The following ELP2 variants were observed in gnomAD, a reference collection of about 807,000 sequenced individuals.
ELP2 encodes elongator complex protein 2.
Under a neutral mutation model 119.2 loss-of-function variants are expected in ELP2, and 90 were observed. The ratio of observed to expected loss-of-function variants is 0.75; its 90% CI spans 0.64 to 0.90. The LOEUF (loss-of-function observed/expected upper bound fraction) is 0.90, where lower values mean the gene tolerates loss of function less well. Ranked by LOEUF, ELP2 falls within the 40% of genes least tolerant of loss-of-function variation. ELP2 has a pLI of 0.00. For missense variants in ELP2, 921 were observed against 967.8 expected (o/e 0.95, Z 0.64); for synonymous variants, 339 against 331.0 (o/e 1.02, Z -0.26).
intron 2 of ELP2, among the ~76,000 whole-genome samples, chr18:36,135,182 G>GT (rs1164963889): frequency 6.6e-6 from 1 of 152,112 alleles, no homozygotes; most frequent in Non-Finnish European, 1.5e-5. Flanking sequence ...TTTATCTTCC[G>GT]TTTAAAAGTG....
At chr18:36,135,476 A>G (rs1370076269) in intron 2 of ELP2, among the ~76,000 whole-genome samples, 1 of 152,192 alleles carries the variant, frequency 6.6e-6, no homozygotes, top group Non-Finnish European at 1.5e-5. Context: ...TTAGGACATG[A>G]ACCTGGGCCT....
chr18:36,153,741 GT>G (rs2090474985), intron 11 of ELP2, among the ~76,000 whole-genome samples: 1 of 151,896 alleles, frequency 6.6e-6, no homozygotes, highest in Admixed American at 6.6e-5. Context: ...ACATTTATTG[GT>G]TTATGGTATT....
At position 36,175,634 on chromosome 18, in the gene ELP2, AAAG is replaced by A. The variant is rs906498528; in HGVS notation, c.*999_*1001del. 1.4e-3 allele frequency: 206 copies of A among 152,372 alleles called. 2 individuals are homozygous for A. The highest frequency in any genetic ancestry group is 4.7e-3 in the African/African-American group (196 of 41,558). 9.4% of individuals were successfully genotyped at this position (152,372 alleles called of 1,614,324 possible). ...TATATGTCCCCCAGGGAGGATGCAG[AAAG>A]AAGAAAAGGGTACTGGAAACAGCAT... On this transcript the variant is annotated 3_prime_UTR_variant, in exon 22 of 22. Transcript: ENST00000358232.
At chr18:36,169,377 G>A (rs2091007503) in intron 19 of ELP2, among the ~76,000 whole-genome samples, 1 of 138,924 alleles carries the variant, frequency 7.2e-6, no homozygotes, top group Middle Eastern at 3.4e-3. Flanking sequence ...GAGCTAGAAA[G>A]CTGATAAGTT....
In ELP2 at chr18:36,177,760, A is replaced by G. The variant is rs2091258825; in HGVS notation, c.*3119A>G. 1.3e-5 allele frequency: 2 copies of G among 152,188 alleles called. No homozygotes were observed. Among genetic ancestry groups the G allele is most frequent in the South Asian group, 4.1e-4 (2 of 4,828 alleles). The allele number at this position is 152,188 out of a possible 1,614,324, so 9.4% of individuals were successfully genotyped here. A position where few individuals can be genotyped will look rare whatever the true frequency, so the allele number is the denominator to read the frequency against. On this transcript the variant is annotated 3_prime_UTR_variant, in exon 22 of 22. Transcript: ENST00000358232. ...TAAGATATATTTGGGAAACACAGGG[A>G]TAACTAAGGTTAGATAGGTGTTCTT...
rs2091226945 is a variant in ELP2, at chr18:36,176,583, C to G, written c.*1942C>G. On this transcript the variant is annotated 3_prime_UTR_variant, in exon 22 of 22. Transcript: ENST00000358232. Reference sequence around the variant, plus strand: ...CCAAATTGTCCTCAAGCATCTTCCTCTGGAATCACCTTACTGTTTAGTAAA... The same window carrying G: ...CCAAATTGTCCTCAAGCATCTTCCTGTGGAATCACCTTACTGTTTAGTAAA... 1 of 152,228 alleles carries G rather than the reference C, an allele frequency of 6.6e-6. No individual in the cohort carries two copies. The highest frequency in any genetic ancestry group is 2.1e-4 in the South Asian group (1 of 4,830). 9.4% of individuals were successfully genotyped at this position (152,228 alleles called of 1,614,324 possible).
At chr18:36,137,721 G>C (rs1206878251) in intron 3 of ELP2, among the ~76,000 whole-genome samples, 1 of 146,294 alleles carries the variant, frequency 6.8e-6, no homozygotes, top group Non-Finnish European at 1.5e-5. Flanking sequence ...CAAGTATCAT[G>C]AGTGGATGCT....
Position 36,139,165 on chromosome 18 carries a change from G to A in ELP2, c.523+293G>A, listed in dbSNP as rs185109263. On this transcript the variant is annotated intron_variant, in intron 5 of 21. Coordinates refer to ENST00000358232, the MANE Select transcript of ELP2 (RefSeq NM_018255.4). The stretch of plus-strand genomic sequence containing the variant: ...TGGATGTATATAGGTCTAATTTGAG[G>A]AAAGAATCTAATTCTTTAGAAGGTG... 3.3e-5 allele frequency among the ~76,000 whole-genome samples: 5 copies of A among 152,272 alleles called. No homozygotes were observed. In the East Asian group the frequency reaches 9.6e-4, roughly 29 times the overall value.
At chr18:36,161,052 C>A in intron 17 of ELP2, 48 bp downstream of exon 17, 1 of 1,365,386 alleles carries the variant, frequency 7.3e-7, no homozygotes, top group South Asian at 1.2e-5. Context: ...TTATTTGGGT[C>A]ATCAGGCTCC....
At chr18:36,150,448 T>A (rs750026759) in intron 11 of ELP2, among the ~76,000 whole-genome samples, 1 of 152,236 alleles carries the variant, frequency 6.6e-6, no homozygotes, top group Non-Finnish European at 1.5e-5. Context: ...TTCTCTGACA[T>A]CACTGGAGAC....
Position 36,168,678 on chromosome 18 carries a change from A to G in ELP2, c.2077-1385A>G, listed in dbSNP as rs138383222. Among the ~76,000 whole-genome samples the G allele has an allele frequency of 2.7e-3, 418 of 152,228 alleles. 5 individuals carry two copies. Among genetic ancestry groups the G allele is most frequent in the Non-Finnish European group, 4.8e-3 (328 of 68,014 alleles). ...TCCCACAACATACAGGGATTATGGG[A>G]ACTACAATTCAAGATGAGATTTGGG... On this transcript the variant is annotated intron_variant, in intron 19 of 21. Transcript: ENST00000358232.
intron 2 of ELP2, among the ~76,000 whole-genome samples, 185 bp from the exon 3 acceptor site, chr18:36,136,122 C>T (rs886196413): frequency 6.6e-6 from 1 of 151,942 alleles, no homozygotes; most frequent in African/African-American, 2.4e-5. Context: ...TAGTTTGCCT[C>T]CTAAAAGGTG....
At position 36,149,051 on chromosome 18, in the gene ELP2, A is replaced by G. The variant is rs1347429199; in HGVS notation, c.1125+2670A>G. On this transcript the variant is annotated intron_variant, in intron 11 of 21. Transcript: ENST00000358232. Reference sequence around the variant, plus strand: ...AACTTCACTTTTTCAGGCATCTGGGATAATTAAGCTAAGAGACAATGTCAT... The same window carrying G: ...AACTTCACTTTTTCAGGCATCTGGGGTAATTAAGCTAAGAGACAATGTCAT... Among the ~76,000 whole-genome samples, 4 of 152,208 alleles carry G rather than the reference A, an allele frequency of 2.6e-5. No homozygotes were observed. The East Asian group carries it at 7.7e-4, about 29-fold the overall frequency.
intron 5 of ELP2, 33 bp downstream of exon 5, chr18:36,138,905 C>T (rs1346157655): frequency 2.8e-5 from 42 of 1,493,474 alleles, no homozygotes; most frequent in Non-Finnish European, 3.8e-5. Flanking sequence ...GTTAAAAGGG[C>T]AGTATATTTG....
At chr18:36,164,366 C>A in intron 17 of ELP2, 109 bp from the exon 18 acceptor site, 2 of 1,099,182 alleles carry the variant, frequency 1.8e-6, no homozygotes, top group Non-Finnish European at 2.7e-6. Context: ...TTTTGGAATT[C>A]AAACAGATAA....
chr18:36,145,903 A>G (rs117959355), intron 9 of ELP2, 45 bp from the exon 10 acceptor site: 21,864 of 1,493,616 alleles, frequency 0.015, 225 homozygotes, highest in Non-Finnish European at 0.019. Context: ...ATCTACAAAC[A>G]TGATGATTGT....
Position 36,167,125 on chromosome 18 carries a change from TCAC to T in ELP2, c.1982_1984del (p.Thr661del). 2 of 1,599,776 alleles carry T rather than the reference TCAC, an allele frequency of 1.3e-6. No homozygotes were observed. Among genetic ancestry groups the T allele is most frequent in the Non-Finnish European group, 1.7e-6 (2 of 1,173,328 alleles). ...GAGCCAGTTTTTAGTCTTTTTGCCT[TCAC>T]CAACAAAATTACTTCTGTGCACAGT... On this transcript the variant is annotated inframe_deletion, in exon 19 of 22. Coordinates refer to ENST00000358232, the MANE Select transcript of ELP2 (RefSeq NM_018255.4).
chr18:36,134,664 CTG>C (rs1308069301), intron 2 of ELP2, among the ~76,000 whole-genome samples: 1 of 152,124 alleles, frequency 6.6e-6, no homozygotes, highest in African/African-American at 2.4e-5. Context: ...AATTGTAAGA[CTG>C]TAAAGGAATT....
rs2091199067 is a variant in ELP2 at position 36,175,306 on chromosome 18, G to A, written c.*665G>A. 2 of 146,252 alleles carry A rather than the reference G, an allele frequency of 1.4e-5. No individual in the cohort carries two copies. The highest frequency in any genetic ancestry group is 2.0e-4 in the East Asian group (1 of 5,094). 9.1% of individuals were successfully genotyped at this position (146,252 alleles called of 1,614,324 possible). A position where few individuals can be genotyped will look rare whatever the true frequency, so the allele number is the denominator to read the frequency against. ...AGAGTAGATGTAGAAAATAAAGAGA[G>A]GAAACCTAGATTACTTAATTTTATT... On this transcript the variant is annotated 3_prime_UTR_variant, in exon 22 of 22. Coordinates refer to ENST00000358232, the MANE Select transcript of ELP2 (RefSeq NM_018255.4).
Sources: allele counts gnomAD v4.1 joint callset (sites outside exome capture counted in the v4.1 genomes callset), GRCh38; gene constraint gnomAD v4.1.1; transcripts MANE v1.5; gene names NCBI Gene and HGNC (gene_info 2026-07-23, HGNC 2026-07-21).